Variants in RAD18 observed in about 807,000 individuals in gnomAD.
The protein encoded by RAD18 is RAD18 E3 ubiquitin protein ligase, also known as E3 ubiquitin-protein ligase RAD18.
A neutral mutation model predicts 60.4 loss-of-function variants in RAD18; 47 were observed. That is an observed-to-expected ratio of 0.78 (90% confidence interval 0.62 to 0.99). RAD18 has a LOEUF of 0.99. Among genes scored for constraint, RAD18 ranks in the 50% least tolerant of loss-of-function variants. The pLI is 0.00. For missense variants in RAD18, 640 were observed against 593.3 expected (o/e 1.08, Z -0.82); for synonymous variants, 225 against 195.5 (o/e 1.15, Z -1.26).
chr3:8,891,061 G>A (rs1314940547), intron 11 of RAD18, among the ~76,000 whole-genome samples: 1 of 94,930 alleles, frequency 1.1e-5, no homozygotes, highest in Non-Finnish European at 1.9e-5. Context: ...CATGTATAAA[G>A]CATATATATA....
chr3:8,953,387 T>C (rs1023948760), intron 2 of RAD18, among the ~76,000 whole-genome samples: 5 of 152,154 alleles, frequency 3.3e-5, no homozygotes, highest in African/African-American at 4.8e-5. Context: ...TCTTCTTTTC[T>C]TTTGAAATGA....
intron 12 of RAD18, among the ~76,000 whole-genome samples, chr3:8,884,401 T>C (rs45625244): frequency 0.029 from 4,400 of 152,308 alleles, 203 homozygotes; most frequent in African/African-American, 0.099. Flanking sequence ...CTATCACTCT[T>C]ATCATTTTTA....
intron 9 of RAD18, among the ~76,000 whole-genome samples, chr3:8,909,947 T>A (rs923585833): frequency 6.6e-6 from 1 of 152,224 alleles, no homozygotes; most frequent in Non-Finnish European, 1.5e-5. Flanking sequence ...ACACCGTTTC[T>A]CAGGAAGTTT....
rs535117426 is a variant in RAD18 at position 8,960,689 on chromosome 3, T to A, written c.52-1688A>T. On this transcript the variant is annotated intron_variant, in intron 1 of 12. Coordinates refer to ENST00000264926, the MANE Select transcript of RAD18 (RefSeq NM_020165.4). Reference sequence around the variant, plus strand: ...AGTCCACAGCATCAGTATCCCAATTTTAAAAATAAAGTCTACAGAGTTCCT... The same window carrying A: ...AGTCCACAGCATCAGTATCCCAATTATAAAAATAAAGTCTACAGAGTTCCT... Among the ~76,000 whole-genome samples the A allele has an allele frequency of 2.0e-5, 3 of 152,294 alleles. No homozygotes were observed. The South Asian group carries it at 6.2e-4, about 32-fold the overall frequency.
chr3:8,954,723 G>GA (rs1472423317), intron 2 of RAD18, among the ~76,000 whole-genome samples: 3 of 152,124 alleles, frequency 2.0e-5, no homozygotes, highest in Middle Eastern at 3.2e-3. Context: ...GATAAATCAT[G>GA]AAAAATCTAA....
At chr3:8,929,357 A>C (rs991105337) in intron 7 of RAD18, among the ~76,000 whole-genome samples, 1 of 152,170 alleles carries the variant, frequency 6.6e-6, no homozygotes, top group Non-Finnish European at 1.5e-5. Context: ...ACAATCAGGA[A>C]AAAAGAAGAC....
chr3:8,881,517 TCTAGTTTA>T (rs1393340260), intron 12 of RAD18, 58 bp from the exon 13 acceptor site: 20 of 1,379,228 alleles, frequency 1.5e-5, no homozygotes, highest in Non-Finnish European at 1.9e-5. Flanking sequence ...TACAGCAGTT[TCTAGTTTA>T]CAAGTGTTTT....
At chr3:8,898,856 T>C (rs763502526) in intron 11 of RAD18, 38 bp downstream of exon 11, 20 of 1,473,530 alleles carry the variant, frequency 1.4e-5, no homozygotes, top group Non-Finnish European at 1.8e-5. Context: ...GCATATGAAG[T>C]AGATATTTAA....
chr3:8,888,925 G>A (rs1475598449), intron 12 of RAD18, among the ~76,000 whole-genome samples: 1 of 152,188 alleles, frequency 6.6e-6, no homozygotes, highest in African/African-American at 2.4e-5. Context: ...CATAGTCACT[G>A]GTGTCAGGGT....
At chr3:8,921,262 C>G (rs775996393) in intron 7 of RAD18, among the ~76,000 whole-genome samples, 8 of 152,144 alleles carry the variant, frequency 5.3e-5, no homozygotes, top group Non-Finnish European at 8.8e-5. Context: ...CTATAAACTT[C>G]CAAATAAAAA....
chr3:8,935,080 T>C (rs753504764), intron 7 of RAD18, among the ~76,000 whole-genome samples: 5 of 152,212 alleles, frequency 3.3e-5, no homozygotes, highest in Non-Finnish European at 7.3e-5. Context: ...AGGGGGCAGA[T>C]AGGGCTTTTG....
chr3:8,903,050 A>G (rs1219515671), intron 9 of RAD18, among the ~76,000 whole-genome samples: 1 of 151,920 alleles, frequency 6.6e-6, no homozygotes, highest in Admixed American at 6.6e-5. Flanking sequence ...AAAAACAAAA[A>G]ACAGAGGTGT....
At chr3:8,887,976 G>A (rs189182863) in intron 12 of RAD18, among the ~76,000 whole-genome samples, 6 of 152,254 alleles carry the variant, frequency 3.9e-5, no homozygotes, top group Non-Finnish European at 5.9e-5. Context: ...ATAGCCCTCT[G>A]CCTTAATCAT....
chr3:8,956,061 G>A (rs1308733086), intron 2 of RAD18, among the ~76,000 whole-genome samples: 2 of 152,216 alleles, frequency 1.3e-5, no homozygotes, highest in Non-Finnish European at 2.9e-5. Context: ...CAAAAGTTAT[G>A]TAAATGTGGT....
At position 8,927,073 on chromosome 3, in the gene RAD18, C is replaced by G. The variant is rs567529139; in HGVS notation, c.889+8798G>C. Among the ~76,000 whole-genome samples the G allele has an allele frequency of 9.0e-3, 1,367 of 152,240 alleles. 12 individuals carry two copies. The highest frequency in any genetic ancestry group is 0.014 in the Non-Finnish European group (982 of 68,008). On this transcript the variant is annotated intron_variant, in intron 7 of 12. Coordinates refer to ENST00000264926, the MANE Select transcript of RAD18 (RefSeq NM_020165.4). ...AAATGACAAATGGGATCTAATTAAA[C>G]TAAAGAGCTTCTGCACAGCAAAAGA... is the stretch of plus-strand genomic sequence containing the variant.
intron 2 of RAD18, among the ~76,000 whole-genome samples, chr3:8,953,873 A>T (rs764608597): frequency 2.0e-5 from 3 of 152,144 alleles, no homozygotes; most frequent in Non-Finnish European, 4.4e-5. Flanking sequence ...AAGCTTGTGT[A>T]GAAGTAAAAA....
In RAD18 at chr3:8,939,664, T is replaced by A. The variant is rs756418471; in HGVS notation, c.605-11A>T. ...AAACAGGACAATCCACTGTATTTTT[T>A]AAAAAGAAAAAGAGAGACTTTATTA... On this transcript the variant is annotated splice_polypyrimidine_tract_variant and intron_variant, in intron 5 of 12. Coordinates refer to ENST00000264926, the MANE Select transcript of RAD18 (RefSeq NM_020165.4). The A allele has an allele frequency of 4.4e-5, 71 of 1,596,716 alleles. No individual in the cohort carries two copies. Among genetic ancestry groups the A allele is most frequent in the Non-Finnish European group, 4.7e-5 (55 of 1,169,586 alleles).
intron 6 of RAD18, among the ~76,000 whole-genome samples, chr3:8,938,785 T>C (rs1307880658): frequency 6.6e-6 from 1 of 152,176 alleles, no homozygotes; most frequent in East Asian, 1.9e-4. Context: ...CAAACTACCA[T>C]CTCATCTTTC....
At chr3:8,888,624 G>A (rs186317355) in intron 12 of RAD18, among the ~76,000 whole-genome samples, 342 of 152,308 alleles carry the variant, frequency 2.2e-3, no homozygotes, top group African/African-American at 6.7e-3. Flanking sequence ...TTCCTTAGAA[G>A]GAACTGCGGC....
Sources: gnomAD v4.1 joint callset for allele counts (sites outside exome capture counted in the v4.1 genomes callset) on GRCh38, gnomAD v4.1.1 for gene constraint, MANE v1.5 for transcripts, NCBI Gene and HGNC (gene_info 2026-07-23, HGNC 2026-07-21) for gene names.